STIM2: variants seen among roughly 807,000 people sequenced by gnomAD.
STIM2 encodes the protein stromal interaction molecule 2.
Under a neutral mutation model 85.8 loss-of-function variants are expected in STIM2, and 31 were observed. The ratio of observed to expected loss-of-function variants is 0.36; its 90% confidence interval spans 0.27 to 0.49. STIM2 has a LOEUF of 0.49. Ranked by LOEUF, STIM2 falls within the 20% of genes least tolerant of loss-of-function variation. STIM2 has a pLI of 0.98. For synonymous variants in STIM2, 356 were observed against 331.1 expected, an observed-to-expected ratio of 1.08 and a Z score of -0.82; for missense variants, 841 against 927.6, an observed-to-expected ratio of 0.91 and a Z score of 1.21.
In STIM2 at chr4:26,912,781, A is replaced by C. The variant is rs1304323788; in HGVS notation, c.152-6723A>C. Among the ~76,000 whole-genome samples the C allele has an allele frequency of 2.6e-5, 4 of 152,264 alleles. No homozygotes were observed. The East Asian group carries it at 7.7e-4, about 29-fold the overall frequency. On this transcript the variant is annotated intron_variant, in intron 1 of 11. Transcript: ENST00000467087. ...TTGTGATAGGCATTCTTTGGTAGCAAACATATGCTGTAGATTAAAAATGAA... is the reference window on the plus strand; with the variant it reads ...TTGTGATAGGCATTCTTTGGTAGCACACATATGCTGTAGATTAAAAATGAA...
At chr4:26,915,477 C>T (rs561031829) in intron 1 of STIM2, among the ~76,000 whole-genome samples, 4 of 151,858 alleles carry the variant, frequency 2.6e-5, no homozygotes, top group South Asian at 2.1e-4. Context: ...TCAGGTGATC[C>T]GCCTGCCTCA....
intron 1 of STIM2, among the ~76,000 whole-genome samples, chr4:26,913,578 ACTAACTAC>A (rs1210407572): frequency 6.6e-6 from 1 of 152,242 alleles, no homozygotes; most frequent in Non-Finnish European, 1.5e-5. Flanking sequence ...TTAGATTTCT[ACTAACTAC>A]TTAGGTTTAA....
chr4:26,862,914 G>A lies in STIM2; in HGVS notation c.151+1545G>A, dbSNP rs540802814. Reference sequence around the variant, plus strand: ...AATGCCTCATGCAGGAAGGGAAGGAGCAGGAATATTTAGGCTTCTAGAAGG... The same window carrying A: ...AATGCCTCATGCAGGAAGGGAAGGAACAGGAATATTTAGGCTTCTAGAAGG... On this transcript the variant is annotated intron_variant, in intron 1 of 11. Transcript: ENST00000467087. 5.3e-5 allele frequency among the ~76,000 whole-genome samples: 8 copies of A among 152,314 alleles called. No individual in the cohort carries two copies. The South Asian group carries it at 1.7e-3, about 32-fold the overall frequency.
In STIM2 at chr4:27,008,297, G is replaced by A. The variant is rs1390768761; in HGVS notation, c.1150-131G>A. ...TTTTTTGGAATGCAGGGATATCTTG[G>A]CTAGTAATTCTCTACTGGTTTTATG... On this transcript the variant is annotated intron_variant, in intron 8 of 11. Transcript: ENST00000467087. 5.6e-6 allele frequency: 3 copies of A among 536,850 alleles called. No homozygotes were observed. The African/African-American group carries it at 5.9e-5, about 11-fold the overall frequency. 33.3% of individuals were successfully genotyped at this position (536,850 alleles called of 1,614,324 possible).
chr4:27,022,861 C>T lies in STIM2; in HGVS notation c.2106C>T (p.Gly702=), dbSNP rs1243746963. 4 of 1,614,168 alleles carry T rather than the reference C, an allele frequency of 2.5e-6. No homozygotes were observed. Among genetic ancestry groups the T allele is most frequent in the East Asian group, 2.2e-5 (1 of 44,880 alleles). Residue 702 remains glycine, a synonymous_variant, in exon 12 of 12, where the codon GGC becomes GGT. Coordinates refer to ENST00000467087, the MANE Select transcript of STIM2 (RefSeq NM_020860.4). ...GCCACACATCATGTTCCTCAGCTGG[C>T]AACGACAGTAAACCAGTTCAGGAAG...
intron 1 of STIM2, among the ~76,000 whole-genome samples, chr4:26,901,464 T>C (rs947100060): frequency 2.0e-5 from 3 of 152,198 alleles, no homozygotes; most frequent in Non-Finnish European, 4.4e-5. Context: ...ACTTTTTTCC[T>C]TGGAAAATCA....
At chr4:26,998,120 G>C (rs1728024995) in intron 4 of STIM2, among the ~76,000 whole-genome samples, 1 of 152,106 alleles carries the variant, frequency 6.6e-6, no homozygotes, top group African/African-American at 2.4e-5. Flanking sequence ...ATTGGTACAG[G>C]ACCCAGCATA....
At chr4:26,903,132 T>G (rs1723987031) in intron 1 of STIM2, among the ~76,000 whole-genome samples, 1 of 152,138 alleles carries the variant, frequency 6.6e-6, no homozygotes, top group African/African-American at 2.4e-5. Context: ...TAAAAAAGTT[T>G]TTTTTGGCCT....
chr4:27,001,617 T>G (rs1728159985), intron 5 of STIM2, among the ~76,000 whole-genome samples: 1 of 152,180 alleles, frequency 6.6e-6, no homozygotes, highest in South Asian at 2.1e-4. Flanking sequence ...ACTTCTGATG[T>G]CTGCCCACTA....
At chr4:26,870,090 A>G (rs1168705038) in intron 1 of STIM2, among the ~76,000 whole-genome samples, 1 of 152,160 alleles carries the variant, frequency 6.6e-6, no homozygotes, top group Non-Finnish European at 1.5e-5. Context: ...ATCTGAAAAT[A>G]TCAAACTTAC....
intron 1 of STIM2, among the ~76,000 whole-genome samples, chr4:26,914,879 G>A (rs1360938061): frequency 6.6e-6 from 1 of 152,210 alleles, no homozygotes; most frequent in Non-Finnish European, 1.5e-5. Flanking sequence ...TTCCACAGGT[G>A]TCTGATGATC....
At chr4:26,923,060 C>G (rs1033178002) in intron 2 of STIM2, among the ~76,000 whole-genome samples, 1 of 151,336 alleles carries the variant, frequency 6.6e-6, no homozygotes, top group East Asian at 1.9e-4. Context: ...TCAAGTGGGT[C>G]CCTGACCCCT....
intron 1 of STIM2, among the ~76,000 whole-genome samples, chr4:26,909,558 C>T (rs1303695874): frequency 6.6e-6 from 1 of 152,172 alleles, no homozygotes; most frequent in Non-Finnish European, 1.5e-5. Context: ...GCACTTGGAT[C>T]AATGCCTGGA....
chr4:27,014,917 C>G (rs1042500759), intron 10 of STIM2, among the ~76,000 whole-genome samples: 3 of 151,952 alleles, frequency 2.0e-5, no homozygotes, highest in Non-Finnish European at 4.4e-5. Context: ...TATGTGGACA[C>G]TGCTTTATGG....
At chr4:26,907,032 A>G (rs1056037773) in intron 1 of STIM2, among the ~76,000 whole-genome samples, 2 of 152,074 alleles carry the variant, frequency 1.3e-5, no homozygotes, top group African/African-American at 4.8e-5. Flanking sequence ...GTTTTGGGTA[A>G]TTAATGAGTC....
chr4:26,906,538 T>G (rs1417004132), intron 1 of STIM2, among the ~76,000 whole-genome samples: 5 of 150,866 alleles, frequency 3.3e-5, no homozygotes, highest in Non-Finnish European at 7.4e-5. Flanking sequence ...CAGTGTCATC[T>G]CAAAAAAAAT....
At chr4:26,988,510 C>G (rs758181470) in intron 3 of STIM2, among the ~76,000 whole-genome samples, 67 of 152,306 alleles carry the variant, frequency 4.4e-4, no homozygotes, top group Non-Finnish European at 9.6e-4. Context: ...CATAAACTAT[C>G]TGTGGTACCT....
At chr4:26,908,736 G>A (rs1302044757) in intron 1 of STIM2, among the ~76,000 whole-genome samples, 4 of 152,162 alleles carry the variant, frequency 2.6e-5, no homozygotes, top group Admixed American at 1.3e-4. Flanking sequence ...CACCCGTCTC[G>A]GCCTCCCAAG....
intron 3 of STIM2, among the ~76,000 whole-genome samples, chr4:26,987,151 A>G (rs2109118462): frequency 6.6e-6 from 1 of 152,296 alleles, no homozygotes. Context: ...GGCCACAGCC[A>G]GTTGCTTTTC....
Sources: allele counts gnomAD v4.1 joint callset (sites outside exome capture counted in the v4.1 genomes callset), GRCh38; gene constraint gnomAD v4.1.1; transcripts MANE v1.5; gene names NCBI Gene and HGNC (gene_info 2026-07-23, HGNC 2026-07-21).